ZNF786: variants seen among roughly 807,000 people sequenced by gnomAD.
ZNF786 encodes zinc finger protein 786.
A neutral mutation model predicts 63.1 loss-of-function variants in ZNF786; 56 were observed. The observed-to-expected ratio is 0.89, with a 90% CI of 0.72 to 1.11. The LOEUF (loss-of-function observed/expected upper bound fraction) is 1.11, where lower values mean the gene tolerates loss of function less well. ZNF786 is among the 50% of genes least tolerant of loss of function. ZNF786 has a pLI of 0.00. For missense variants in ZNF786, 1,213 were observed against 1,041.8 expected (o/e 1.16, Z -2.26); for synonymous variants, 485 against 406.9 (o/e 1.19, Z -2.31).
intron 1 of ZNF786, among the ~76,000 whole-genome samples, chr7:149,081,922 T>C (rs1202879823): frequency 6.6e-6 from 1 of 152,098 alleles, no homozygotes; most frequent in Admixed American, 6.6e-5. Context: ...GGTAACAAAA[T>C]TAATGTATAT....
rs939661961 is a variant in ZNF786 at position 149,071,611 on chromosome 7, G to A, written c.1161C>T (p.Pro387=). The A allele has an allele frequency of 3.1e-6, 5 of 1,596,582 alleles. No individual in the cohort carries two copies. Among genetic ancestry groups the A allele is most frequent in the Non-Finnish European group, 4.3e-6 (5 of 1,173,430 alleles). Residue 387 remains proline, a synonymous_variant, in exon 4 of 4, where the codon CCC becomes CCT. Coordinates refer to ENST00000491431, the MANE Select transcript of ZNF786 (RefSeq NM_152411.4). ...GCTTTTCTCCAGTATGCGCCCTGCAGGGGCTGGCGAGCCTGGCGCTCATAG... is the reference window on the plus strand; with the variant it reads ...GCTTTTCTCCAGTATGCGCCCTGCAAGGGCTGGCGAGCCTGGCGCTCATAG... The part of the protein sequence containing the change: ...RSPMSARLAS[P]CRAHTGEKPF...
intron 2 of ZNF786, among the ~76,000 whole-genome samples, chr7:149,077,521 G>A (rs112571954): frequency 0.023 from 3,530 of 152,198 alleles, 53 homozygotes; most frequent in Admixed American, 0.033. Context: ...CCAGCTACTC[G>A]GGAGGCTGAG....
intron 3 of ZNF786, among the ~76,000 whole-genome samples, chr7:149,072,901 G>C (rs1231665646): frequency 6.6e-6 from 1 of 152,192 alleles, no homozygotes; most frequent in African/African-American, 2.4e-5. Flanking sequence ...GCCTGGCATA[G>C]TGCATGTACT....
Position 149,072,205 on chromosome 7 carries a change from C to G in ZNF786, c.567G>C (p.Trp189Cys). 1 of 1,613,548 alleles carries G rather than the reference C, an allele frequency of 6.2e-7. No individual in the cohort carries two copies. The highest frequency in any genetic ancestry group is 8.5e-7 in the Non-Finnish European group (1 of 1,179,770). Reference protein sequence around the residue: ...VPAWESTQHPWPVCGESCWEN... With the variant: ...VPAWESTQHPCPVCGESCWEN... ...CCCAACAGCTTTCCCCGCAGACAGGCCAAGGGTGCTGGGTGCTCTCCCAGG... is the reference window on the plus strand; with the variant it reads ...CCCAACAGCTTTCCCCGCAGACAGGGCAAGGGTGCTGGGTGCTCTCCCAGG... Residue 189 changes from tryptophan (W) to cysteine (C), a missense_variant, in exon 4 of 4, where the codon TGG (tryptophan) becomes TGC (cysteine). Physicochemically the swap from Trp to Cys is radical, Grantham distance 215. Transcript: ENST00000491431.
chr7:149,087,816 G>A (rs922310443), intron 1 of ZNF786, among the ~76,000 whole-genome samples: 6 of 148,866 alleles, frequency 4.0e-5, no homozygotes, highest in African/African-American at 1.2e-4. Context: ...TTTTTGAAAC[G>A]GGGGTCTCTG....
rs549610449 is a variant in ZNF786 at position 149,070,564 on chromosome 7, A to G, written c.2208T>C (p.Asp736=). 1.2e-6 allele frequency: 2 copies of G among 1,613,844 alleles called. No homozygotes were observed. The highest frequency in any genetic ancestry group is 2.2e-5 in the South Asian group (2 of 91,086). The change falls in exon 4 of 4, where the codon GAT becomes GAC. Residue 736 remains aspartate, a synonymous_variant. Coordinates refer to ENST00000491431, the MANE Select transcript of ZNF786 (RefSeq NM_152411.4). ...HRPERPFACG[D]CGKGFIYKSK... is the part of the protein sequence containing the mutation. ...ACTTGTAAATGAAGCCCTTCCCACA[A>G]TCGCCACAGGCAAAGGGCCTCTCGG...
In ZNF786 at chr7:149,074,906, T is replaced by C. The variant is rs887644056; in HGVS notation, c.146-368A>G. On this transcript the variant is annotated intron_variant, in intron 2 of 3. Coordinates refer to ENST00000491431, the MANE Select transcript of ZNF786 (RefSeq NM_152411.4). ...CCAAGGCTGGAGTGCAGTGGTGCAA[T>C]CATGGCTCACTGTAGCCTCGGCTTC... is the stretch of plus-strand genomic sequence containing the variant. Among the ~76,000 whole-genome samples, 4 of 152,086 alleles carry C rather than the reference T, an allele frequency of 2.6e-5. 1 individual carries two copies. The highest frequency in any genetic ancestry group is 1.3e-4 in the Admixed American group (2 of 15,252).
chr7:149,077,438 A>T (rs182666061), intron 2 of ZNF786, among the ~76,000 whole-genome samples: 53 of 151,938 alleles, frequency 3.5e-4, no homozygotes, highest in Middle Eastern at 3.4e-3. Context: ...CCATCCTGGC[A>T]AACACGGTGA....
rs750731882 is a variant in ZNF786, at chr7:149,071,510, C to A, written c.1262G>T (p.Gly421Val). ...CTTCCTGCAGGAGAACGGTCTCTCC[C>A]CACCGTGCGCGTGCTGGTGGACCTG... ...LLQVHQHAHG[G>V]ERPFSCRKCG... The change falls in exon 4 of 4, where the codon GGG becomes GTG. Residue 421 changes from glycine (G) to valine (V), a missense_variant. Physicochemically the swap from Gly to Val is moderately radical, Grantham distance 109. Coordinates refer to ENST00000491431, the MANE Select transcript of ZNF786 (RefSeq NM_152411.4). The A allele has an allele frequency of 1.2e-6, 2 of 1,612,114 alleles. No individual in the cohort carries two copies. Among genetic ancestry groups the A allele is most frequent in the Non-Finnish European group, 1.7e-6 (2 of 1,179,472 alleles).
chr7:149,074,647 C>CA (rs139620006), intron 2 of ZNF786, 109 bp from the exon 3 acceptor site: 123,484 of 761,246 alleles, frequency 0.16, 52 homozygotes, highest in East Asian at 0.19. Flanking sequence ...AACAACATGT[C>CA]AAAAAAAAAA....
intron 1 of ZNF786, 34 bp from the exon 2 acceptor site, chr7:149,080,751 G>T: frequency 6.4e-7 from 1 of 1,560,700 alleles, no homozygotes; most frequent in South Asian, 1.2e-5. Context: ...ATGCATTCAT[G>T]GTTGCTTCAA....
At chr7:149,076,064 T>C (rs1825542504) in intron 2 of ZNF786, among the ~76,000 whole-genome samples, 1 of 152,122 alleles carries the variant, frequency 6.6e-6, no homozygotes, top group South Asian at 2.1e-4. Flanking sequence ...ACATTATTCC[T>C]ATGCATGTTC....
chr7:149,083,868 TTTTC>T (rs1360090176), intron 1 of ZNF786, among the ~76,000 whole-genome samples: 3 of 152,312 alleles, frequency 2.0e-5, no homozygotes, highest in African/African-American at 4.8e-5. Context: ...AAGGATATGA[TTTTC>T]TTTATGGCTG....
At chr7:149,072,626 C>A (rs1466473212) in intron 3 of ZNF786, among the ~76,000 whole-genome samples, 153 bp from the exon 4 acceptor site, 1 of 152,146 alleles carries the variant, frequency 6.6e-6, no homozygotes, top group Non-Finnish European at 1.5e-5. Context: ...TGTCTCATGG[C>A]CGTGAGTTTG....
At chr7:149,083,193 A>C (rs977051299) in intron 1 of ZNF786, among the ~76,000 whole-genome samples, 1 of 151,392 alleles carries the variant, frequency 6.6e-6, no homozygotes, top group Non-Finnish European at 1.5e-5. Context: ...CACCGCACCC[A>C]GCCAGCCTAG....
chr7:149,071,172 C>T lies in ZNF786; in HGVS notation c.1600G>A (p.Glu534Lys), dbSNP rs768816017. Residue 534 changes from glutamate to lysine, a missense_variant, in exon 4 of 4, where the codon GAG (glutamate) becomes AAG (lysine). Glu to Lys is a moderately conservative substitution (Grantham distance 56). Transcript: ENST00000491431. ...CACTTCAGGCACTGGAAGGGCCTCTCCCCGCTGTGCACTCTCAGGTGCTCA... is the reference window on the plus strand; with the variant it reads ...CACTTCAGGCACTGGAAGGGCCTCTTCCCGCTGTGCACTCTCAGGTGCTCA... The part of the protein sequence containing the change: ...LREHLRVHSG[E>K]RPFQCLKCDK... 13 of 1,612,454 alleles carry T rather than the reference C, an allele frequency of 8.1e-6. No homozygotes were observed. Among genetic ancestry groups the T allele is most frequent in the Admixed American group, 3.3e-5 (2 of 59,970 alleles).
At chr7:149,074,914 C>T (rs1201422291) in intron 2 of ZNF786, among the ~76,000 whole-genome samples, 3 of 152,054 alleles carry the variant, frequency 2.0e-5, no homozygotes, top group African/African-American at 7.2e-5. Context: ...AATCATGGCT[C>T]ACTGTAGCCT....
chr7:149,071,921 G>A lies in ZNF786; in HGVS notation c.851C>T (p.Pro284Leu), dbSNP rs746515659. 7.5e-6 allele frequency: 12 copies of A among 1,607,586 alleles called. No individual in the cohort carries two copies. The highest frequency in any genetic ancestry group is 8.5e-6 in the Non-Finnish European group (10 of 1,177,866). Residue 284 changes from proline to leucine, a missense_variant, in exon 4 of 4, where the codon CCC becomes CTC. By Grantham distance (98) the Pro-to-Leu change is moderately conservative. Coordinates refer to ENST00000491431, the MANE Select transcript of ZNF786 (RefSeq NM_152411.4). ...CCCCTGCTGCGGGAGGCGGTGGCTG[G>A]GATGGGTCAGCTCGTGTCGGAAGCA... ...EMCFRHELTH[P>L]SHRLPQQGEK...
At position 149,072,168 on chromosome 7, in the gene ZNF786, A is replaced by T. The variant is rs1165418593; in HGVS notation, c.604T>A (p.Leu202Ile). ...CGESCWENNH[L>I]VMHQRGHSKD... ...GAGTGGCCTCTCTGGTGCATTACTA[A>T]ATGGTTGTTCTCCCAACAGCTTTCC... is the stretch of plus-strand genomic sequence containing the variant. Residue 202 changes from leucine to isoleucine, a missense_variant, in exon 4 of 4, where the codon TTA becomes ATA. Coordinates refer to ENST00000491431, the MANE Select transcript of ZNF786 (RefSeq NM_152411.4). 6.2e-7 allele frequency: 1 copy of T among 1,613,158 alleles called. No individual in the cohort carries two copies. Among genetic ancestry groups the T allele is most frequent in the Non-Finnish European group, 8.5e-7 (1 of 1,179,728 alleles).
Sources: allele counts gnomAD v4.1 joint callset (sites outside exome capture counted in the v4.1 genomes callset), GRCh38; gene constraint gnomAD v4.1.1; transcripts MANE v1.5; gene names NCBI Gene and HGNC (gene_info 2026-07-23, HGNC 2026-07-21).